The following PRTFDC1 variants were observed in gnomAD, a reference collection of about 807,000 sequenced individuals.
PRTFDC1 encodes phosphoribosyl transferase domain containing 1, also known as phosphoribosyltransferase domain-containing protein 1.
A neutral mutation model predicts 34.6 loss-of-function variants in PRTFDC1; 38 were observed. That is an observed-to-expected ratio of 1.10 (90% CI 0.85 to 1.44). The LOEUF is 1.44. Among genes scored for constraint, PRTFDC1 ranks in the 40% most tolerant of loss-of-function variants. PRTFDC1 has a pLI of 0.00. For synonymous variants in PRTFDC1, 93 were observed against 98.1 expected, an observed-to-expected ratio of 0.95 and a Z score of 0.31; for missense variants, 270 against 283.0, an observed-to-expected ratio of 0.95 and a Z score of 0.33.
At chr10:24,892,575 C>A (rs1035820156) in intron 3 of PRTFDC1, among the ~76,000 whole-genome samples, 8 of 152,068 alleles carry the variant, frequency 5.3e-5, no homozygotes, top group African/African-American at 1.9e-4. Context: ...AAAAAATAAT[C>A]TTTTCCTGAT....
chr10:24,862,732 C>G lies in PRTFDC1; in HGVS notation c.406-4323G>C, dbSNP rs190670432. Among the ~76,000 whole-genome samples the G allele has an allele frequency of 1.6e-3, 250 of 151,800 alleles. 1 individual carries two copies. The highest frequency in any genetic ancestry group is 3.4e-3 in the Middle Eastern group (1 of 294). ...GTTTATGGCAACCCTGTGTTGAGCA[C>G]GTGTATTGGTGTCATTTTTCTGACA... On this transcript the variant is annotated intron_variant, in intron 4 of 8. Coordinates refer to ENST00000320152, the MANE Select transcript of PRTFDC1 (RefSeq NM_020200.7).
At chr10:24,872,200 T>C (rs917233358) in intron 3 of PRTFDC1, 137 bp from the exon 4 acceptor site, 15 of 708,124 alleles carry the variant, frequency 2.1e-5, no homozygotes, top group Non-Finnish European at 2.1e-5. Context: ...GGATTCATGG[T>C]TGCCTATGGT....
chr10:24,931,928 A>G (rs981753462), intron 3 of PRTFDC1, among the ~76,000 whole-genome samples: 1 of 149,250 alleles, frequency 6.7e-6, no homozygotes, highest in African/African-American at 2.5e-5. Context: ...AAAAAAAACA[A>G]AAAACTATGG....
At chr10:24,861,599 T>G (rs1847681180) in intron 4 of PRTFDC1, among the ~76,000 whole-genome samples, 1 of 152,068 alleles carries the variant, frequency 6.6e-6, no homozygotes, top group African/African-American at 2.4e-5. Flanking sequence ...ACTTCACCTC[T>G]GTTTGCTCCC....
chr10:24,858,369 T>C (rs368894377), intron 5 of PRTFDC1, 23 bp downstream of exon 5: 18 of 1,609,462 alleles, frequency 1.1e-5, no homozygotes, highest in Middle Eastern at 1.6e-4. Context: ...CCTCCAAGTA[T>C]GGAAAAGGAA....
At chr10:24,897,695 A>T (rs1179243921) in intron 3 of PRTFDC1, among the ~76,000 whole-genome samples, 1 of 152,254 alleles carries the variant, frequency 6.6e-6, no homozygotes, top group South Asian at 2.1e-4. Flanking sequence ...GGCCTATAAC[A>T]TCGAGAAACA....
In PRTFDC1 at chr10:24,875,463, G is replaced by A. The variant is rs558934082; in HGVS notation, c.340-3400C>T. Among the ~76,000 whole-genome samples the A allele has an allele frequency of 4.7e-4, 71 of 152,056 alleles. 1 individual carries two copies. Among genetic ancestry groups the A allele is most frequent in the African/African-American group, 1.7e-3 (69 of 41,454 alleles). On this transcript the variant is annotated intron_variant, in intron 3 of 8. Transcript: ENST00000320152. ...TCTATTCTCTACTTCTATGAGTTCA[G>A]CTTTTTTATATTACACATATAAATG...
At chr10:24,908,738 G>C in intron 3 of PRTFDC1, 1 of 1,517,408 alleles carries the variant, frequency 6.6e-7, no homozygotes, top group Non-Finnish European at 8.8e-7. Context: ...CACCTACCTA[G>C]CCAGCCCGAT....
chr10:24,894,548 C>T (rs1848317958), intron 3 of PRTFDC1, among the ~76,000 whole-genome samples: 1 of 152,126 alleles, frequency 6.6e-6, no homozygotes, highest in South Asian at 2.1e-4. Flanking sequence ...TCTTTTTCCA[C>T]TTCATGCAGC....
rs1848932575 is a variant in PRTFDC1 at position 24,929,074 on chromosome 10, AAGGG to A, written c.339+8106_339+8109del. ...AAAAAAAGAAAGAAAGAAAGAAAGAAAGGGAGGCTTTCAATTCCAGGCACCCTTG... is the reference window on the plus strand; with the variant it reads ...AAAAAAAGAAAGAAAGAAAGAAAGAAAGGCTTTCAATTCCAGGCACCCTTG... On this transcript the variant is annotated intron_variant, in intron 3 of 8. Coordinates refer to ENST00000320152, the MANE Select transcript of PRTFDC1 (RefSeq NM_020200.7). Among the ~76,000 whole-genome samples, 5 of 145,708 alleles carry A rather than the reference AAGGG, an allele frequency of 3.4e-5. 1 individual carries two copies. In the South Asian group the frequency reaches 8.9e-4, roughly 26 times the overall value.
intron 3 of PRTFDC1, among the ~76,000 whole-genome samples, chr10:24,878,020 C>G (rs1018227157): frequency 6.6e-6 from 1 of 152,018 alleles, no homozygotes; most frequent in Non-Finnish European, 1.5e-5. Context: ...GTGGCTCACG[C>G]CTGTAATCCC....
chr10:24,903,818 G>A (rs1041594467), intron 3 of PRTFDC1, among the ~76,000 whole-genome samples: 2 of 150,994 alleles, frequency 1.3e-5, no homozygotes, highest in South Asian at 2.1e-4. Flanking sequence ...GACTACAAGC[G>A]AACACAACCA....
intron 3 of PRTFDC1, among the ~76,000 whole-genome samples, chr10:24,875,846 G>GTTTTTTT (rs61379088): frequency 1.0e-5 from 1 of 96,734 alleles, no homozygotes; most frequent in Non-Finnish European, 1.9e-5. Flanking sequence ...AATTCTCATA[G>GTTTTTTT]TTTTTTTTTT....
At chr10:24,864,607 G>A (rs145442662) in intron 4 of PRTFDC1, among the ~76,000 whole-genome samples, 31 of 152,218 alleles carry the variant, frequency 2.0e-4, no homozygotes, top group African/African-American at 7.2e-4. Flanking sequence ...TAAGTTATGT[G>A]CCTTATTTTT....
chr10:24,893,805 G>C (rs1171809716), intron 3 of PRTFDC1, among the ~76,000 whole-genome samples: 4 of 152,172 alleles, frequency 2.6e-5, no homozygotes, highest in Non-Finnish European at 5.9e-5. Flanking sequence ...TGTGAACCCA[G>C]GCCTGCCCCA....
rs990105324 is a variant in PRTFDC1, at chr10:24,908,762, C to A, written c.339+28422G>T. ...AGCCAGCCCGATCAGCCTGATCAAC[C>A]CTAGCGATCAATGGGGTGACTGATG... On this transcript the variant is annotated intron_variant, in intron 3 of 8. Coordinates refer to ENST00000320152, the MANE Select transcript of PRTFDC1 (RefSeq NM_020200.7). 7 of 1,474,306 alleles carry A rather than the reference C, an allele frequency of 4.7e-6. No homozygotes were observed. In the African/African-American group the frequency reaches 9.8e-5, roughly 21 times the overall value. The allele number at this position is 1,474,306 out of a possible 1,614,324, so 91.3% of individuals were successfully genotyped here. A position where few individuals can be genotyped will look rare whatever the true frequency, so the allele number is the denominator to read the frequency against.
At chr10:24,859,416 C>T (rs1380487831) in intron 4 of PRTFDC1, among the ~76,000 whole-genome samples, 5 of 152,196 alleles carry the variant, frequency 3.3e-5, no homozygotes, top group Admixed American at 1.3e-4. Context: ...TGCACCACCA[C>T]GCCTGGCTAA....
intron 3 of PRTFDC1, among the ~76,000 whole-genome samples, chr10:24,914,017 T>C (rs1362427092): frequency 1.3e-5 from 2 of 152,208 alleles, no homozygotes; most frequent in African/African-American, 4.8e-5. Context: ...CCATGAACTC[T>C]AGTAGGAAAA....
At chr10:24,937,833 C>T (rs972671726) in intron 2 of PRTFDC1, among the ~76,000 whole-genome samples, 2 of 151,738 alleles carry the variant, frequency 1.3e-5, no homozygotes, top group African/African-American at 2.4e-5. Flanking sequence ...GCTGGGATTA[C>T]AGGCATGAGC....
Sources: gnomAD v4.1 joint callset for allele counts (sites outside exome capture counted in the v4.1 genomes callset) on GRCh38, gnomAD v4.1.1 for gene constraint, MANE v1.5 for transcripts, NCBI Gene and HGNC (gene_info 2026-07-23, HGNC 2026-07-21) for gene names.